The following PCDHGB6 variants were observed in gnomAD, a reference collection of about 807,000 sequenced individuals.
The protein encoded by PCDHGB6 is protocadherin gamma subfamily B, 6.
A neutral mutation model predicts 59.1 loss-of-function variants in PCDHGB6; 51 were observed. The ratio of observed to expected loss-of-function variants is 0.86; its 90% CI spans 0.69 to 1.09. The LOEUF is 1.09. Ranked by LOEUF, PCDHGB6 falls within the 50% of genes least tolerant of loss-of-function variation. The pLI, the probability that PCDHGB6 is intolerant of heterozygous loss-of-function variation, is 0.00. For synonymous variants in PCDHGB6, 466 were observed against 495.1 expected, an observed-to-expected ratio of 0.94 and a Z score of 0.78; for missense variants, 1,148 against 1,205.1, an observed-to-expected ratio of 0.95 and a Z score of 0.70.
At chr5:141,504,352 G>A (rs2099837588) in intron 2 of PCDHGB6, among the ~76,000 whole-genome samples, 3 of 152,016 alleles carry the variant, frequency 2.0e-5, no homozygotes, top group Admixed American at 1.3e-4. Flanking sequence ...TTTGTGCTAG[G>A]TGCTTCAGTA....
At position 141,489,494 on chromosome 5, in the gene PCDHGB6, C is replaced by A. The variant is rs1191408769; in HGVS notation, c.2419-5313C>A. ...CTGAGCTTGATGAGTGGTGCCCTGGCAGTGAATCAAAAGATTGACCGAGAA... is the reference window on the plus strand; with the variant it reads ...CTGAGCTTGATGAGTGGTGCCCTGGAAGTGAATCAAAAGATTGACCGAGAA... On this transcript the variant is annotated intron_variant, in intron 1 of 3. Coordinates refer to ENST00000520790, the MANE Select transcript of PCDHGB6 (RefSeq NM_018926.3). This position sits in a 1 kb window ranked among gnomAD's most constrained non-coding sequence, Gnocchi z 4.5. 1.1e-5 allele frequency: 18 copies of A among 1,613,932 alleles called. No individual in the cohort carries two copies. The highest frequency in any genetic ancestry group is 1.7e-5 in the Admixed American group (1 of 59,998).
intron 1 of PCDHGB6, chr5:141,484,865 G>A (rs1431313212): frequency 3.6e-6 from 1 of 278,548 alleles, no homozygotes; most frequent in Non-Finnish European, 6.7e-6. Flanking sequence ...GGGTGGGGGA[G>A]CGTGGAGGAT....
Position 141,485,959 on chromosome 5 carries a change from C to A in PCDHGB6, c.2419-8848C>A, listed in dbSNP as rs758835557. The A allele has an allele frequency of 6.2e-7, 1 of 1,614,160 alleles. No homozygotes were observed. The highest frequency in any genetic ancestry group is 1.3e-5 in the African/African-American group (1 of 75,054). Reference sequence around the variant, plus strand: ...GCGCACCAGCGGGCATGGTGCTCATCCAGCTCAATGCCTCAGACCCGGACC... The same window carrying A: ...GCGCACCAGCGGGCATGGTGCTCATACAGCTCAATGCCTCAGACCCGGACC... On this transcript the variant is annotated intron_variant, in intron 1 of 3. Coordinates refer to ENST00000520790, the MANE Select transcript of PCDHGB6 (RefSeq NM_018926.3). The surrounding 1 kb of genome is among the most constrained non-coding windows in gnomAD (Gnocchi z 5.7).
At position 141,408,857 on chromosome 5, in the gene PCDHGB6, G is replaced by A. The variant is rs372861749; in HGVS notation, c.655G>A (p.Asp219Asn). The change falls in exon 1 of 4, where the codon GAC (aspartate) becomes AAC (asparagine). Residue 219 changes from aspartate to asparagine, a missense_variant. Coordinates refer to ENST00000520790, the MANE Select transcript of PCDHGB6 (RefSeq NM_018926.3). ...SLILTALDGG[D>N]PPRSATAHIE... ...GATATTGACTGCCTTGGACGGAGGG[G>A]ACCCACCAAGAAGTGCCACCGCTCA... 4 of 1,613,542 alleles carry A rather than the reference G, an allele frequency of 2.5e-6. No homozygotes were observed. Among genetic ancestry groups the A allele is most frequent in the Non-Finnish European group, 3.4e-6 (4 of 1,179,802 alleles).
chr5:141,497,614 A>G (rs1377740795), intron 2 of PCDHGB6, among the ~76,000 whole-genome samples: 1 of 146,530 alleles, frequency 6.8e-6, no homozygotes, highest in Admixed American at 7.0e-5. Context: ...ATCTTGGCTC[A>G]CTGCAACCTC....
In PCDHGB6 at chr5:141,490,081, T is replaced by A; in HGVS notation, c.2419-4726T>A. Reference sequence around the variant, plus strand: ...CACCAACGGCCAACTAGACTATTCTTTTGGAGACCACACATCTGAGGCAGT... The same window carrying A: ...CACCAACGGCCAACTAGACTATTCTATTGGAGACCACACATCTGAGGCAGT... On this transcript the variant is annotated intron_variant, in intron 1 of 3. Coordinates refer to ENST00000520790, the MANE Select transcript of PCDHGB6 (RefSeq NM_018926.3). The surrounding 1 kb of genome is among the most constrained non-coding windows in gnomAD (Gnocchi z 5.4). 3 of 1,614,216 alleles carry A rather than the reference T, an allele frequency of 1.9e-6. No homozygotes were observed. Among genetic ancestry groups the A allele is most frequent in the Non-Finnish European group, 2.5e-6 (3 of 1,180,040 alleles).
chr5:141,444,152 A>ATTTTTTTTT (rs747671382), intron 1 of PCDHGB6, among the ~76,000 whole-genome samples: 2 of 33,898 alleles, frequency 5.9e-5, no homozygotes, highest in Non-Finnish European at 5.2e-5. Context: ...TGTGTACTGG[A>ATTTTTTTTT]TTTTTTTTTT....
rs748950800 is a variant in PCDHGB6, at chr5:141,476,983, C to T, written c.2419-17824C>T. ...ACTCCTTCGGCAGCCACAACCGCGC[C>T]GGCGTGCGGCAACTATTCGCCTTAG... On this transcript the variant is annotated intron_variant, in intron 1 of 3. Transcript: ENST00000520790. The surrounding 1 kb of genome is among the most constrained non-coding windows in gnomAD (Gnocchi z 7.6). 12 of 1,614,096 alleles carry T rather than the reference C, an allele frequency of 7.4e-6. No individual in the cohort carries two copies. The highest frequency in any genetic ancestry group is 8.5e-7 in the Non-Finnish European group (1 of 1,180,046).
At position 141,505,499 on chromosome 5, in the gene PCDHGB6, G is replaced by A. The variant is rs753203943; in HGVS notation, c.2566+18G>A. ...CGCCAGTGGTAAGTGGTGTCAGTGT[G>A]TGTATGGAAGAGTGGGAGACCTGGG... is the stretch of plus-strand genomic sequence containing the variant. On this transcript the variant is annotated intron_variant, in intron 3 of 3. Transcript: ENST00000520790. 6.2e-7 allele frequency: 1 copy of A among 1,614,172 alleles called. No homozygotes were observed. The highest frequency in any genetic ancestry group is 8.5e-7 in the Non-Finnish European group (1 of 1,179,982).
intron 1 of PCDHGB6, among the ~76,000 whole-genome samples, chr5:141,466,570 T>C (rs967163331): frequency 6.6e-6 from 1 of 152,202 alleles, no homozygotes; most frequent in East Asian, 1.9e-4. Flanking sequence ...TCTTCAACAT[T>C]GTCTCATCCC....
chr5:141,505,252 C>T (rs2099844831), intron 2 of PCDHGB6, 141 bp from the exon 3 acceptor site: 1 of 1,454,140 alleles, frequency 6.9e-7, no homozygotes, highest in Non-Finnish European at 9.2e-7. Context: ...TGTAGAAGTG[C>T]CTCCTACCTT....
intron 1 of PCDHGB6, among the ~76,000 whole-genome samples, chr5:141,492,808 A>C (rs1261752522): frequency 6.6e-6 from 1 of 152,252 alleles, no homozygotes; most frequent in African/African-American, 2.4e-5. Flanking sequence ...CTGGGACTCC[A>C]GTGGCACCAG....
chr5:141,505,557 A>C (rs2099846692), intron 3 of PCDHGB6, 76 bp downstream of exon 3: 1 of 1,606,080 alleles, frequency 6.2e-7, no homozygotes, highest in Non-Finnish European at 8.5e-7. Flanking sequence ...CACCATGCCC[A>C]CGGACTGGAT....
intron 1 of PCDHGB6, chr5:141,419,325 A>G (rs1490162008): frequency 6.2e-7 from 1 of 1,613,586 alleles, no homozygotes; most frequent in Non-Finnish European, 8.5e-7. Flanking sequence ...CGTGTCTCCT[A>G]CTCTCTCATT....
In PCDHGB6 at chr5:141,497,558, TA is replaced by T. The variant is rs543126612; in HGVS notation, c.2477+2694del. 6.7e-3 allele frequency among the ~76,000 whole-genome samples: 979 copies of T among 145,038 alleles called. 16 individuals carry two copies. Among genetic ancestry groups the T allele is most frequent in the African/African-American group, 0.024 (931 of 38,872 alleles). On this transcript the variant is annotated intron_variant, in intron 2 of 3. Coordinates refer to ENST00000520790, the MANE Select transcript of PCDHGB6 (RefSeq NM_018926.3). The stretch of plus-strand genomic sequence containing the variant: ...AACAAACCTTTTTTTTTTTTTTTTT[TA>T]GACAGAGTCTTGCTCTGTTGCCCAA...
intron 1 of PCDHGB6, chr5:141,484,903 G>A: frequency 2.5e-6 from 1 of 407,434 alleles, no homozygotes; most frequent in Non-Finnish European, 4.4e-6. Context: ...CTCCAATGCT[G>A]CGACGCATTA....
At chr5:141,502,552 T>C (rs1217408446) in intron 2 of PCDHGB6, among the ~76,000 whole-genome samples, 1 of 152,146 alleles carries the variant, frequency 6.6e-6, no homozygotes, top group Non-Finnish European at 1.5e-5. Context: ...AAAAACAGTG[T>C]CCCAGATCTC....
chr5:141,467,952 C>A (rs1341210155), intron 1 of PCDHGB6, among the ~76,000 whole-genome samples: 1 of 152,186 alleles, frequency 6.6e-6, no homozygotes, highest in Non-Finnish European at 1.5e-5. Flanking sequence ...AGCCACCACA[C>A]CCGGCTGCCA....
At chr5:141,462,980 G>T (rs1249102130) in intron 1 of PCDHGB6, among the ~76,000 whole-genome samples, 1 of 152,006 alleles carries the variant, frequency 6.6e-6, no homozygotes, top group Non-Finnish European at 1.5e-5. Flanking sequence ...AGTAACTTTT[G>T]CCTTGGGCTA....
Sources: allele counts gnomAD v4.1 joint callset (sites outside exome capture counted in the v4.1 genomes callset), GRCh38; gene constraint gnomAD v4.1.1; non-coding constraint Gnocchi (gnomAD v3.1); transcripts MANE v1.5; gene names NCBI Gene and HGNC (gene_info 2026-07-23, HGNC 2026-07-21).